FBXO34: variants seen among roughly 807,000 people sequenced by gnomAD.
The protein encoded by FBXO34 is F-box only protein 34.
In FBXO34, 12 loss-of-function variants were observed where a neutral mutation model predicts 24.5. That is an observed-to-expected ratio of 0.49 (90% CI 0.31 to 0.79). The LOEUF (loss-of-function observed/expected upper bound fraction) is 0.79. Ranked by LOEUF, FBXO34 falls within the 30% of genes least tolerant of loss-of-function variation. The pLI is 0.04. For synonymous variants in FBXO34, 320 were observed against 311.9 expected (o/e 1.03, Z -0.27); for missense variants, 823 against 857.7 (o/e 0.96, Z 0.51).
intron 1 of FBXO34, among the ~76,000 whole-genome samples, chr14:55,292,134 G>A (rs761886788): frequency 1.3e-5 from 2 of 151,794 alleles, no homozygotes; most frequent in African/African-American, 4.8e-5. Flanking sequence ...ATATTTTTTG[G>A]TTCTTTTTAT....
chr14:55,287,601 A>G (rs1375106560), intron 1 of FBXO34, among the ~76,000 whole-genome samples: 1 of 152,156 alleles, frequency 6.6e-6, no homozygotes, highest in Non-Finnish European at 1.5e-5. Flanking sequence ...CTATGATGTT[A>G]TTTTTTGATT....
At chr14:55,298,965 C>T (rs1882243397) in intron 1 of FBXO34, 1 of 1,597,598 alleles carries the variant, frequency 6.3e-7, no homozygotes. Flanking sequence ...GAAGGCGGCC[C>T]ACGACAACAT....
At chr14:55,392,814 AG>A in the FBXO34 span, among the ~76,000 whole-genome samples, 1 of 152,210 alleles carries the variant, frequency 6.6e-6, no homozygotes, top group African/African-American at 2.4e-5. Flanking sequence ...AACAGATTAC[AG>A]GGATGTTATG....
At chr14:55,311,490 C>T (rs945912862) in intron 1 of FBXO34, among the ~76,000 whole-genome samples, 2 of 152,150 alleles carry the variant, frequency 1.3e-5, no homozygotes, top group African/African-American at 4.8e-5. Flanking sequence ...TTAATTCACT[C>T]CAGCATTAAC....
the FBXO34 span, among the ~76,000 whole-genome samples, chr14:55,438,187 G>C: frequency 6.6e-6 from 1 of 152,256 alleles, no homozygotes. Flanking sequence ...GGAATGCACC[G>C]TGTTGCATCT....
At chr14:55,397,168 C>T in the FBXO34 span, among the ~76,000 whole-genome samples, 3 of 152,172 alleles carry the variant, frequency 2.0e-5, no homozygotes, top group African/African-American at 4.8e-5. Context: ...TACCACACAC[C>T]GGATCTGAGG....
the FBXO34 span, among the ~76,000 whole-genome samples, chr14:55,418,517 T>C: frequency 6.6e-6 from 1 of 152,198 alleles, no homozygotes; most frequent in African/African-American, 2.4e-5. Flanking sequence ...TTATGACATA[T>C]ACCAATTTAC....
At chr14:55,397,363 AAC>A in the FBXO34 span, 1 of 1,611,558 alleles carries the variant, frequency 6.2e-7, no homozygotes, top group Non-Finnish European at 8.5e-7. Context: ...GACAAAACAA[AAC>A]ACTCACTCTT....
the FBXO34 span, among the ~76,000 whole-genome samples, chr14:55,429,853 A>G: frequency 6.6e-6 from 1 of 151,654 alleles, no homozygotes; most frequent in Admixed American, 6.6e-5. Context: ...AGGAGGTAAG[A>G]TATGTGCTGA....
chr14:55,436,708 G>C, the FBXO34 span: 2 of 1,614,194 alleles, frequency 1.2e-6, no homozygotes. Flanking sequence ...CTGTGAATGG[G>C]AATTTGACAA....
chr14:55,381,667 G>C, the FBXO34 span, among the ~76,000 whole-genome samples: 1 of 152,206 alleles, frequency 6.6e-6, no homozygotes, highest in African/African-American at 2.4e-5. Context: ...TATGTTCTGT[G>C]ATTCCATTTA....
At chr14:55,292,773 T>A (rs1327847216) in intron 1 of FBXO34, among the ~76,000 whole-genome samples, 4 of 152,148 alleles carry the variant, frequency 2.6e-5, no homozygotes, top group Non-Finnish European at 5.9e-5. Flanking sequence ...CTACCATAGG[T>A]ACTGTGGCAT....
downstream of FBXO34, chr14:55,353,711 T>G (rs1031061520): frequency 6.0e-6 from 1 of 165,450 alleles, no homozygotes; most frequent in African/African-American, 2.4e-5. Flanking sequence ...TTTGAATTGT[T>G]GGAGATAAAG....
chr14:55,296,490 G>A (rs1001564331), intron 1 of FBXO34, among the ~76,000 whole-genome samples: 1 of 146,418 alleles, frequency 6.8e-6, no homozygotes, highest in African/African-American at 2.5e-5. Context: ...CTGCCTTCAG[G>A]TTCAAGCAAT....
the FBXO34 span, among the ~76,000 whole-genome samples, chr14:55,408,247 G>GTCCAAGACCAGCCTGGGCA: frequency 6.6e-6 from 1 of 152,012 alleles, no homozygotes; most frequent in Non-Finnish European, 1.5e-5. Context: ...GAGCTCCAGA[G>GTCCAAGACCAGCCTGGGCA]TCCAAGACCA....
chr14:55,426,738 A>C, the FBXO34 span, among the ~76,000 whole-genome samples: 1 of 152,130 alleles, frequency 6.6e-6, no homozygotes, highest in Non-Finnish European at 1.5e-5. Flanking sequence ...AAAAGAAAAG[A>C]AAAGATGACT....
At chr14:55,424,064 A>T in the FBXO34 span, 1 of 823,332 alleles carries the variant, frequency 1.2e-6, no homozygotes, top group Non-Finnish European at 2.0e-6. Context: ...AACAAGAATT[A>T]CTTTACCATG....
At chr14:55,283,534 A>C (rs1294943544) in intron 1 of FBXO34, among the ~76,000 whole-genome samples, 3 of 146,726 alleles carry the variant, frequency 2.0e-5, no homozygotes, top group Middle Eastern at 3.2e-3. Context: ...GTGTGATCTC[A>C]GCTCACTGCA....
the FBXO34 span, among the ~76,000 whole-genome samples, chr14:55,381,671 C>T: frequency 6.6e-6 from 1 of 152,138 alleles, no homozygotes; most frequent in South Asian, 2.1e-4. Context: ...TTCTGTGATT[C>T]CATTTATATA....
Sources: gnomAD v4.1 joint callset for allele counts (sites outside exome capture counted in the v4.1 genomes callset) on GRCh38, gnomAD v4.1.1 for gene constraint, MANE v1.5 for transcripts, NCBI Gene and HGNC (gene_info 2026-07-23, HGNC 2026-07-21) for gene names.